Variants in NUP214 observed in about 807,000 individuals in gnomAD.
The protein encoded by NUP214 is nucleoporin 214.
In NUP214, 79 loss-of-function variants were observed where a neutral mutation model predicts 196.2. The ratio of observed to expected loss-of-function variants is 0.40; its 90% CI spans 0.34 to 0.49. NUP214 has a LOEUF of 0.49. NUP214 is among the 20% of genes least tolerant of loss of function. The pLI is 0.58. For missense variants in NUP214, 2,468 were observed against 2,539.0 expected (o/e 0.97, Z 0.60); for synonymous variants, 1,020 against 990.5 (o/e 1.03, Z -0.56).
Position 131,125,986 on chromosome 9 carries a change from G to A in NUP214, c.45+237G>A. 1.8e-6 allele frequency: 1 copy of A among 564,690 alleles called. No homozygotes were observed. The highest frequency in any genetic ancestry group is 3.1e-6 in the Non-Finnish European group (1 of 321,680). The allele number at this position is 564,690 out of a possible 1,614,324, so 35.0% of individuals were successfully genotyped here. A position where few individuals can be genotyped will look rare whatever the true frequency, so the allele number is the denominator to read the frequency against. On this transcript the variant is annotated intron_variant, in intron 1 of 35. Coordinates refer to ENST00000359428, the MANE Select transcript of NUP214 (RefSeq NM_005085.4). This position sits in a 1 kb window ranked among gnomAD's most constrained non-coding sequence, Gnocchi z 4.1. ...TTGAGTTACCCTAGCTACTTCCTGG[G>A]GCGGTCACAATAGTGGCAATAACTG...
intron 7 of NUP214, among the ~76,000 whole-genome samples, 173 bp from the exon 8 acceptor site, chr9:131,134,725 C>T (rs1241368613): frequency 6.6e-6 from 1 of 151,946 alleles, no homozygotes; most frequent in Non-Finnish European, 1.5e-5. Context: ...CGGTTGATGG[C>T]CAATGTTTGT....
chr9:131,148,840 T>C (rs1832162970), intron 14 of NUP214, among the ~76,000 whole-genome samples: 2 of 152,188 alleles, frequency 1.3e-5, no homozygotes, highest in Admixed American at 6.5e-5. Flanking sequence ...GAATTGTCTA[T>C]TCATTGTCTT....
chr9:131,172,951 T>G (rs564402081), intron 21 of NUP214, among the ~76,000 whole-genome samples: 1 of 152,356 alleles, frequency 6.6e-6, no homozygotes, highest in East Asian at 1.9e-4. Flanking sequence ...TTCACTTGCA[T>G]TCTGAAATTT....
rs1246130566 is a variant in NUP214 at position 131,130,141 on chromosome 9, TTTTTTTTTTG to T, written c.593-615_593-606del. Reference sequence around the variant, plus strand: ...AGGAGAATGATTTCTGGTTTTGTTTTTTTTTTTTTGTTTTTTTTTTGAGACAGAGTCTTGC... The same window carrying T: ...AGGAGAATGATTTCTGGTTTTGTTTTTTTTTTTTTTGAGACAGAGTCTTGC... On this transcript the variant is annotated intron_variant, in intron 4 of 35. Coordinates refer to ENST00000359428, the MANE Select transcript of NUP214 (RefSeq NM_005085.4). 3.5e-4 allele frequency among the ~76,000 whole-genome samples: 36 copies of T among 103,538 alleles called. 1 individual carries two copies. The highest frequency in any genetic ancestry group is 9.4e-4 in the African/African-American group (26 of 27,716). 67.9% of individuals were successfully genotyped at this position (103,538 alleles called of 152,430 possible). A position where few individuals can be genotyped will look rare whatever the true frequency, so the allele number is the denominator to read the frequency against.
At chr9:131,165,996 C>T (rs1001137972) in intron 21 of NUP214, among the ~76,000 whole-genome samples, 1 of 152,122 alleles carries the variant, frequency 6.6e-6, no homozygotes, top group African/African-American at 2.4e-5. Flanking sequence ...TATAGAGTTT[C>T]AGTTTTGCAC....
In NUP214 at chr9:131,178,291, C is replaced by G; in HGVS notation, c.3320-20C>G. ...TTTGCTGGAATTAATATGGTGTTCT[C>G]TCTTCTCTGTTTAAATTAGCTGTAA... On this transcript the variant is annotated intron_variant, in intron 23 of 35. Transcript: ENST00000359428. 2 of 1,578,766 alleles carry G rather than the reference C, an allele frequency of 1.3e-6. No individual in the cohort carries two copies. The highest frequency in any genetic ancestry group is 1.1e-5 in the South Asian group (1 of 90,286).
chr9:131,133,238 T>C (rs1444634682), intron 7 of NUP214, 29 bp downstream of exon 7: 12 of 1,372,766 alleles, frequency 8.7e-6, no homozygotes, highest in Non-Finnish European at 1.2e-5. Flanking sequence ...TTTCATTGTT[T>C]GAGAATTAGA....
chr9:131,146,317 G>C lies in NUP214; in HGVS notation c.1945+13G>C, dbSNP rs2133498980. The C allele has an allele frequency of 6.2e-7, 1 of 1,613,068 alleles. No homozygotes were observed. The highest frequency in any genetic ancestry group is 2.2e-5 in the East Asian group (1 of 44,856). Reference sequence around the variant, plus strand: ...CCCTCACCATCAGGTATGATTTTAAGCAGACAACTTTAGACCTCAGCCCTG... The same window carrying C: ...CCCTCACCATCAGGTATGATTTTAACCAGACAACTTTAGACCTCAGCCCTG... On this transcript the variant is annotated intron_variant, in intron 13 of 35. Coordinates refer to ENST00000359428, the MANE Select transcript of NUP214 (RefSeq NM_005085.4). The surrounding 1 kb of genome is among the most constrained non-coding windows in gnomAD (Gnocchi z 4.6).
At chr9:131,150,442 A>T (rs369131041) in intron 15 of NUP214, 32 bp downstream of exon 15, 1 of 1,609,422 alleles carries the variant, frequency 6.2e-7, no homozygotes, top group Non-Finnish European at 8.5e-7. Context: ...GTTTTTCTGA[A>T]AGTAGCTGAC....
At position 131,198,330 on chromosome 9, in the gene NUP214, A is replaced by T. The variant is rs146243583; in HGVS notation, c.4836A>T (p.Ser1612=). 6.2e-6 allele frequency: 10 copies of T among 1,614,188 alleles called. No homozygotes were observed. The highest frequency in any genetic ancestry group is 8.5e-6 in the Non-Finnish European group (10 of 1,180,032). ...CAGGCCCTGTGGCCGTCGAAACATC[A>T]AGTACCCCCATAGCCTCCAGCACCA... The part of the protein sequence containing the change: ...SSAGPVAVET[S]STPIASSTTS... The change falls in exon 29 of 36, where the codon TCA becomes TCT. Residue 1612 remains serine, a synonymous_variant. Coordinates refer to ENST00000359428, the MANE Select transcript of NUP214 (RefSeq NM_005085.4).
At chr9:131,219,801 G>T (rs1834508674) in intron 31 of NUP214, among the ~76,000 whole-genome samples, 1 of 152,134 alleles carries the variant, frequency 6.6e-6, no homozygotes, top group African/African-American at 2.4e-5. Flanking sequence ...GGGTTTACAG[G>T]GTCCCTCTAC....
intron 21 of NUP214, among the ~76,000 whole-genome samples, chr9:131,169,256 G>A (rs1251719717): frequency 4.6e-5 from 7 of 151,838 alleles, no homozygotes; most frequent in East Asian, 1.9e-4. Flanking sequence ...GGATGGTCTC[G>A]ATCTCCTGAC....
chr9:131,222,800 CAG>C lies in NUP214; in HGVS notation c.5773_5774del (p.Ser1925TrpfsTer136), dbSNP rs1834600064. 5.0e-6 allele frequency: 8 copies of C among 1,614,016 alleles called. No homozygotes were observed. The Admixed American group carries it at 8.3e-5, about 17-fold the overall frequency. On this transcript the variant is annotated frameshift_variant, in exon 32 of 36. Coordinates refer to ENST00000359428, the MANE Select transcript of NUP214 (RefSeq NM_005085.4). LOFTEE classifies it high-confidence loss of function. The part of the protein sequence containing the change: ...TSNTSNLFGN[S>X]GAKTFGGFAS... The stretch of plus-strand genomic sequence containing the variant: ...CAGATACCTCTAACCTATTTGGAAA[CAG>C]TGGGGCCAAGACATTTGGTGGATTT...
chr9:131,187,573 G>A (rs991094315), intron 25 of NUP214, among the ~76,000 whole-genome samples: 3 of 152,052 alleles, frequency 2.0e-5, no homozygotes, highest in Non-Finnish European at 4.4e-5. Flanking sequence ...TTTTAGTAGA[G>A]ACGCGGTTTC....
At chr9:131,178,269 G>T (rs1034582696) in intron 23 of NUP214, 42 bp from the exon 24 acceptor site, 2 of 1,492,498 alleles carry the variant, frequency 1.3e-6, no homozygotes, top group Admixed American at 3.4e-5. Context: ...TTTATCCTTT[G>T]CTGGAATTAA....
rs745898514 is a variant in NUP214, at chr9:131,215,226, C to T, written c.5607C>T (p.Ser1869=). 33 of 1,549,878 alleles carry T rather than the reference C, an allele frequency of 2.1e-5. No individual in the cohort carries two copies. In the Admixed American group the frequency reaches 6.4e-4, roughly 30 times the overall value. Residue 1869 remains serine, a synonymous_variant, in exon 31 of 36, where the codon TCC becomes TCT. Coordinates refer to ENST00000359428, the MANE Select transcript of NUP214 (RefSeq NM_005085.4). ...TTGTTTTTTAGCAATCATCCTCTTC[C>T]AGTGGTAGCGTGTTTGGGTCTGGAA... is the stretch of plus-strand genomic sequence containing the variant. ...GIVFGQQSSS[S]SGSVFGSGNT... is the part of the protein sequence containing the mutation.
chr9:131,125,670 A>C lies in NUP214; in HGVS notation c.-35A>C. Reference sequence around the variant, plus strand: ...TTCCGTGGGCAAGGCCGTGGGAGGCAGCGTTGGCTGCTTCGACACACTGAG... The same window carrying C: ...TTCCGTGGGCAAGGCCGTGGGAGGCCGCGTTGGCTGCTTCGACACACTGAG... On this transcript the variant is annotated 5_prime_UTR_variant, in exon 1 of 36. Coordinates refer to ENST00000359428, the MANE Select transcript of NUP214 (RefSeq NM_005085.4). This position sits in a 1 kb window ranked among gnomAD's most constrained non-coding sequence, Gnocchi z 4.1. The C allele has an allele frequency of 6.5e-7, 1 of 1,546,936 alleles. No individual in the cohort carries two copies. The highest frequency in any genetic ancestry group is 1.4e-5 in the African/African-American group (1 of 72,604).
At chr9:131,176,087 G>A (rs915702321) in intron 23 of NUP214, among the ~76,000 whole-genome samples, 1 of 152,058 alleles carries the variant, frequency 6.6e-6, no homozygotes, top group East Asian at 1.9e-4. Context: ...GGAGGCTGAG[G>A]TGGGAGGATC....
At chr9:131,164,438 G>T in intron 21 of NUP214, 1 of 363,486 alleles carries the variant, frequency 2.8e-6, no homozygotes, top group Non-Finnish European at 5.0e-6. Flanking sequence ...TGATTCACAA[G>T]GGTTTGAGAT....
Sources: gnomAD v4.1 joint callset for allele counts (sites outside exome capture counted in the v4.1 genomes callset) on GRCh38, gnomAD v4.1.1 for gene constraint, Gnocchi (gnomAD v3.1) non-coding constraint, MANE v1.5 for transcripts, NCBI Gene and HGNC (gene_info 2026-07-23, HGNC 2026-07-21) for gene names.